GSG1L: variants seen among roughly 807,000 people sequenced by gnomAD.
GSG1L encodes GSG1 like.
GSG1L carries 24 observed loss-of-function variants against 42.1 expected under a neutral mutation model. The ratio of observed to expected loss-of-function variants is 0.57; its 90% CI spans 0.41 to 0.80. The LOEUF (loss-of-function observed/expected upper bound fraction) is 0.80. Ranked by LOEUF, GSG1L falls within the 30% of genes least tolerant of loss-of-function variation. GSG1L has a pLI of 0.00. For synonymous variants in GSG1L, 215 were observed against 203.5 expected, an observed-to-expected ratio of 1.06 and a Z score of -0.48; for missense variants, 445 against 472.2, an observed-to-expected ratio of 0.94 and a Z score of 0.53.
intron 2 of GSG1L, among the ~76,000 whole-genome samples, chr16:27,946,584 AGAGAGAGAGAGAGAGAG>A (rs2084865550): frequency 1.4e-3 from 32 of 22,744 alleles, no homozygotes; most frequent in African/African-American, 6.6e-3. Context: ...AAAGAAAGAG[AGAGAGAGAGAGAGAGAG>A]AGAGAGAGAG....
chr16:27,792,121 G>A (rs1375480133), intron 6 of GSG1L, among the ~76,000 whole-genome samples: 2 of 151,672 alleles, frequency 1.3e-5, no homozygotes, highest in Non-Finnish European at 2.9e-5. Flanking sequence ...CTGTCATCCT[G>A]CAGCTGTCTC....
chr16:27,840,444 G>T lies in GSG1L; in HGVS notation c.662+4506C>A, dbSNP rs185283841. 6.6e-5 allele frequency among the ~76,000 whole-genome samples: 10 copies of T among 152,216 alleles called. 1 individual carries two copies. Among genetic ancestry groups the T allele is most frequent in the African/African-American group, 2.4e-4 (10 of 41,540 alleles). ...CCCTGCCACGTTAAGCCAAGCAGCTGCTTGGGCGCCCATCAGGGTCCTGAC... is the reference window on the plus strand; with the variant it reads ...CCCTGCCACGTTAAGCCAAGCAGCTTCTTGGGCGCCCATCAGGGTCCTGAC... On this transcript the variant is annotated intron_variant, in intron 4 of 6. Coordinates refer to ENST00000447459, the MANE Select transcript of GSG1L (RefSeq NM_001109763.2).
chr16:27,911,514 A>G (rs1039423051), intron 2 of GSG1L, among the ~76,000 whole-genome samples: 6 of 151,510 alleles, frequency 4.0e-5, no homozygotes, highest in East Asian at 1.9e-4. Context: ...CTGGTCTCCA[A>G]CTCCTGACCT....
intron 2 of GSG1L, among the ~76,000 whole-genome samples, chr16:27,936,658 A>T (rs1174062607): frequency 6.6e-6 from 1 of 152,190 alleles, no homozygotes; most frequent in Non-Finnish European, 1.5e-5. Context: ...CAACACAAAC[A>T]GACGTAGATG....
chr16:27,803,804 G>GAT lies in GSG1L; in HGVS notation c.898+3681_898+3682dup, dbSNP rs1405273060. Among the ~76,000 whole-genome samples, 618 of 122,334 alleles carry GAT rather than the reference G, an allele frequency of 5.1e-3. 11 individuals carry two copies. The highest frequency in any genetic ancestry group is 0.018 in the African/African-American group (583 of 31,908). 80.3% of individuals were successfully genotyped at this position (122,334 alleles called of 152,430 possible). ...ATATATATATATATATAGATAGATA[G>GAT]ATATAGATATAGATATAGATATAGA... On this transcript the variant is annotated intron_variant, in intron 6 of 6. Coordinates refer to ENST00000447459, the MANE Select transcript of GSG1L (RefSeq NM_001109763.2).
Position 27,980,079 on chromosome 16 carries a change from C to A in GSG1L, c.350-16876G>T, listed in dbSNP as rs148051900. On this transcript the variant is annotated intron_variant, in intron 1 of 6. Transcript: ENST00000447459. ...CCAGAAGCAGGAGGCTGTAATTCTGCAACTTCAGCCTGAGCAGGTGGGGGG... is the reference window on the plus strand; with the variant it reads ...CCAGAAGCAGGAGGCTGTAATTCTGAAACTTCAGCCTGAGCAGGTGGGGGG... Among the ~76,000 whole-genome samples the A allele has an allele frequency of 6.4e-3, 971 of 152,240 alleles. 4 individuals carry two copies. The highest frequency in any genetic ancestry group is 0.011 in the Non-Finnish European group (751 of 68,010).
intron 2 of GSG1L, among the ~76,000 whole-genome samples, chr16:27,952,750 T>A (rs2084963998): frequency 6.6e-6 from 1 of 152,262 alleles, no homozygotes; most frequent in African/African-American, 2.4e-5. Context: ...AAATTCAGCA[T>A]AGGAAACACT....
chr16:27,793,641 G>A (rs2082780189), intron 6 of GSG1L, among the ~76,000 whole-genome samples: 1 of 152,168 alleles, frequency 6.6e-6, no homozygotes, highest in Non-Finnish European at 1.5e-5. Context: ...AAGTGATAGT[G>A]TATTTTTTAA....
intron 3 of GSG1L, among the ~76,000 whole-genome samples, chr16:27,869,875 ATC>A (rs1387293486): frequency 4.0e-5 from 1 of 24,712 alleles, no homozygotes; most frequent in African/African-American, 2.2e-4. Flanking sequence ...GTCTCCCTCC[ATC>A]TCTCTGTCTC....
rs564171249 is a variant in GSG1L at position 27,844,818 on chromosome 16, T to A, written c.662+132A>T. 478 of 547,874 alleles carry A rather than the reference T, an allele frequency of 8.7e-4. 8 individuals carry two copies. The highest frequency in any genetic ancestry group is 1.4e-3 in the Non-Finnish European group (417 of 301,774). 33.9% of individuals were successfully genotyped at this position (547,874 alleles called of 1,614,324 possible). A position where few individuals can be genotyped will look rare whatever the true frequency, so the allele number is the denominator to read the frequency against. On this transcript the variant is annotated intron_variant, in intron 4 of 6. Coordinates refer to ENST00000447459, the MANE Select transcript of GSG1L (RefSeq NM_001109763.2). ...CTGGGGTCTTAAAGCGCCTTTGGAC[T>A]ACAGCCCCTCCAACTCTCCCCATTT...
At chr16:27,975,425 C>T (rs1224210372) in intron 1 of GSG1L, among the ~76,000 whole-genome samples, 1 of 152,122 alleles carries the variant, frequency 6.6e-6, no homozygotes, top group African/African-American at 2.4e-5. Flanking sequence ...CATGCTTATT[C>T]CTGCACCTGC....
At chr16:28,055,176 G>C (rs1036374896) in intron 1 of GSG1L, among the ~76,000 whole-genome samples, 1 of 152,034 alleles carries the variant, frequency 6.6e-6, no homozygotes, top group Non-Finnish European at 1.5e-5. Flanking sequence ...TTATTTTTGA[G>C]ACAGGGTCTC....
At chr16:27,882,777 A>G (rs1003187908) in intron 3 of GSG1L, among the ~76,000 whole-genome samples, 2 of 152,120 alleles carry the variant, frequency 1.3e-5, no homozygotes, top group Non-Finnish European at 2.9e-5. Flanking sequence ...CAACACACCA[A>G]GTTAGAATTG....
chr16:28,034,613 G>A (rs1183243289), intron 1 of GSG1L, among the ~76,000 whole-genome samples: 1 of 151,958 alleles, frequency 6.6e-6, no homozygotes, highest in African/African-American at 2.4e-5. Context: ...ATCCCATGGG[G>A]TGACAACACA....
rs531868278 is a variant in GSG1L, at chr16:28,010,227, C to T, written c.350-47024G>A. Among the ~76,000 whole-genome samples, 12 of 152,304 alleles carry T rather than the reference C, an allele frequency of 7.9e-5. No homozygotes were observed. In the South Asian group the frequency reaches 1.0e-3, roughly 13 times the overall value. On this transcript the variant is annotated intron_variant, in intron 1 of 6. Coordinates refer to ENST00000447459, the MANE Select transcript of GSG1L (RefSeq NM_001109763.2). ...CAGTAAAGTCAGCAAAATCCTCAGACGCTCTTTGAGAGGGATTTGTCTCTA... is the reference window on the plus strand; with the variant it reads ...CAGTAAAGTCAGCAAAATCCTCAGATGCTCTTTGAGAGGGATTTGTCTCTA...
chr16:27,967,494 C>A (rs1596660690), intron 1 of GSG1L, among the ~76,000 whole-genome samples: 2 of 152,218 alleles, frequency 1.3e-5, no homozygotes. Flanking sequence ...CTCACACCTT[C>A]CATTACAGAC....
chr16:28,001,005 G>A (rs1399383813), intron 1 of GSG1L, among the ~76,000 whole-genome samples: 1 of 152,074 alleles, frequency 6.6e-6, no homozygotes, highest in East Asian at 1.9e-4. Flanking sequence ...CAATTATTCA[G>A]GGCTGATTAT....
chr16:28,063,383 G>A lies in GSG1L; in HGVS notation c.42C>T (p.Ala14=). The change falls in exon 1 of 7, where the codon GCC becomes GCT. Residue 14 remains alanine (A), a synonymous_variant. Transcript: ENST00000447459. This position sits in a 1 kb window ranked among gnomAD's most constrained non-coding sequence, Gnocchi z 5.8. ...CGAACAGCAGCGCCAGCAGGTTCAG[G>A]GCCACGGCCAGGAGCGCTCGGCCGC... The part of the protein sequence containing the change: ...SRRGRALLAV[A]LNLLALLFAT... 7.2e-7 allele frequency: 1 copy of A among 1,381,336 alleles called. No individual in the cohort carries two copies. Among genetic ancestry groups the A allele is most frequent in the Non-Finnish European group, 9.4e-7 (1 of 1,058,472 alleles). 85.6% of individuals were successfully genotyped at this position (1,381,336 alleles called of 1,614,324 possible). A position where few individuals can be genotyped will look rare whatever the true frequency, so the allele number is the denominator to read the frequency against.
At chr16:27,994,517 AG>A (rs1240290836) in intron 1 of GSG1L, among the ~76,000 whole-genome samples, 1 of 152,228 alleles carries the variant, frequency 6.6e-6, no homozygotes. Flanking sequence ...ATATCCAGCT[AG>A]AGTTTGATGG....
Sources: gnomAD v4.1 joint callset for allele counts (sites outside exome capture counted in the v4.1 genomes callset) on GRCh38, gnomAD v4.1.1 for gene constraint, Gnocchi (gnomAD v3.1) non-coding constraint, MANE v1.5 for transcripts, NCBI Gene and HGNC (gene_info 2026-07-23, HGNC 2026-07-21) for gene names.